CUL5: variants seen among roughly 807,000 people sequenced by gnomAD.
CUL5 encodes the protein cullin-5.
CUL5 carries 26 observed loss-of-function variants against 108.8 expected under a neutral mutation model. The observed-to-expected ratio is 0.24, with a 90% CI of 0.18 to 0.33. The LOEUF (loss-of-function observed/expected upper bound fraction) is 0.33. CUL5 is among the 10% of genes least tolerant of loss of function. The pLI, the probability that CUL5 is intolerant of heterozygous loss-of-function variation, is 1.00. For synonymous variants in CUL5, 334 were observed against 298.0 expected (o/e 1.12, Z -1.25); for missense variants, 524 against 909.2 (o/e 0.58, Z 5.45).
chr11:108,067,391 C>T (rs919634163), intron 7 of CUL5, among the ~76,000 whole-genome samples: 3 of 152,098 alleles, frequency 2.0e-5, no homozygotes, highest in African/African-American at 4.8e-5. Flanking sequence ...TTTTAATCCT[C>T]GTTGTAACCC....
At chr11:108,051,879 T>C (rs908732144) in intron 4 of CUL5, among the ~76,000 whole-genome samples, 3 of 152,214 alleles carry the variant, frequency 2.0e-5, no homozygotes, top group African/African-American at 7.2e-5. Context: ...TGCACTATTA[T>C]TTTGACCATT....
intron 5 of CUL5, among the ~76,000 whole-genome samples, chr11:108,053,730 A>C (rs1863300497): frequency 6.9e-6 from 1 of 145,608 alleles, no homozygotes; most frequent in Non-Finnish European, 1.5e-5. Flanking sequence ...CCCAAGCTGG[A>C]GTGCAGTGGC....
chr11:108,087,479 A>G (rs1447164913), intron 11 of CUL5, among the ~76,000 whole-genome samples: 1 of 152,216 alleles, frequency 6.6e-6, no homozygotes, highest in East Asian at 1.9e-4. Flanking sequence ...AAATAAATGT[A>G]AGACTTTCAA....
At chr11:108,016,023 G>A (rs1862178374) in intron 1 of CUL5, among the ~76,000 whole-genome samples, 1 of 152,134 alleles carries the variant, frequency 6.6e-6, no homozygotes, top group Admixed American at 6.5e-5. Flanking sequence ...CCAGGATCAA[G>A]CGATCCTCCC....
intron 1 of CUL5, among the ~76,000 whole-genome samples, chr11:108,031,238 C>T (rs1000604224): frequency 1.4e-4 from 22 of 151,762 alleles, no homozygotes; most frequent in African/African-American, 3.9e-4. Context: ...TGTGGTGGTG[C>T]GTGTCTAATC....
At chr11:108,012,757 C>T (rs1404319997) in intron 1 of CUL5, among the ~76,000 whole-genome samples, 1 of 151,968 alleles carries the variant, frequency 6.6e-6, no homozygotes, top group Non-Finnish European at 1.5e-5. Context: ...CCACCACACC[C>T]AGCTTATTTT....
At chr11:108,098,060 TTTTG>T (rs938611863) in intron 17 of CUL5, among the ~76,000 whole-genome samples, 4 of 150,790 alleles carry the variant, frequency 2.7e-5, no homozygotes, top group South Asian at 2.1e-4. Flanking sequence ...TTTGTTTCGT[TTTTG>T]TTTTTGTTTT....
intron 7 of CUL5, among the ~76,000 whole-genome samples, chr11:108,063,653 AT>A (rs68126927): frequency 0.43 from 17,472 of 40,590 alleles, 1,165 homozygotes; most frequent in Middle Eastern, 0.57. Flanking sequence ...AATTAATAAA[AT>A]TTAAAAAAAA....
intron 1 of CUL5, among the ~76,000 whole-genome samples, chr11:108,021,798 G>T (rs1862332495): frequency 6.6e-6 from 1 of 151,670 alleles, no homozygotes; most frequent in African/African-American, 2.4e-5. Context: ...TTATAGGCAT[G>T]AGCCACACCG....
intron 1 of CUL5, among the ~76,000 whole-genome samples, chr11:108,027,834 G>T (rs549975740): frequency 1.3e-5 from 2 of 152,156 alleles, no homozygotes; most frequent in Non-Finnish European, 2.9e-5. Context: ...TATCTTACCT[G>T]ATCTGTCAGG....
chr11:108,031,303 T>A (rs1233490253), intron 1 of CUL5, among the ~76,000 whole-genome samples: 2 of 150,650 alleles, frequency 1.3e-5, no homozygotes, highest in African/African-American at 2.5e-5. Context: ...AGGTAGAGGC[T>A]ATAGTGAGCC....
At chr11:108,028,362 C>A (rs1376051676) in intron 1 of CUL5, among the ~76,000 whole-genome samples, 2 of 152,090 alleles carry the variant, frequency 1.3e-5, no homozygotes, top group Non-Finnish European at 2.9e-5. Context: ...TTAGGAAGTC[C>A]TGTTAGTACC....
intron 4 of CUL5, among the ~76,000 whole-genome samples, chr11:108,051,328 T>C (rs1465252217): frequency 3.9e-5 from 6 of 152,230 alleles, no homozygotes; most frequent in Non-Finnish European, 8.8e-5. Flanking sequence ...TGATTAAGTG[T>C]ATCAATTCTG....
chr11:108,078,644 C>T (rs1863996956), intron 11 of CUL5, among the ~76,000 whole-genome samples: 1 of 152,186 alleles, frequency 6.6e-6, no homozygotes, highest in East Asian at 1.9e-4. Flanking sequence ...TATGCCTGTG[C>T]TAAGCCTAGC....
intron 1 of CUL5, among the ~76,000 whole-genome samples, chr11:108,020,163 T>C (rs1862293631): frequency 6.6e-6 from 1 of 152,214 alleles, no homozygotes. Flanking sequence ...ACATCCAAAC[T>C]GTAGCAGTAC....
At chr11:108,073,652 G>T (rs1387037603) in intron 10 of CUL5, 155 bp downstream of exon 10, 1 of 403,022 alleles carries the variant, frequency 2.5e-6, no homozygotes, top group Non-Finnish European at 4.5e-6. Flanking sequence ...TATTCGTTTT[G>T]TCTTGGCTGT....
chr11:108,009,516 A>G (rs1042630581), intron 1 of CUL5, 144 bp downstream of exon 1: 7 of 843,488 alleles, frequency 8.3e-6, no homozygotes, highest in African/African-American at 1.7e-5. Context: ...GCAGCCGGCG[A>G]GTACCGGAAC....
chr11:108,044,039 A>G (rs542029866), intron 2 of CUL5, among the ~76,000 whole-genome samples: 5 of 152,282 alleles, frequency 3.3e-5, no homozygotes, highest in African/African-American at 9.6e-5. Context: ...AAATAAATAA[A>G]TAGTATCTGG....
chr11:108,036,767 C>G (rs1048715565), intron 2 of CUL5, among the ~76,000 whole-genome samples: 1 of 152,210 alleles, frequency 6.6e-6, no homozygotes, highest in Non-Finnish European at 1.5e-5. Context: ...GCGTGAGCCA[C>G]GGTGCCCAGC....
Sources: gnomAD v4.1 joint callset for allele counts (sites outside exome capture counted in the v4.1 genomes callset) on GRCh38, gnomAD v4.1.1 for gene constraint, MANE v1.5 for transcripts, NCBI Gene and HGNC (gene_info 2026-07-23, HGNC 2026-07-21) for gene names.